Variants in STAB2 observed in about 807,000 individuals in gnomAD.
The protein encoded by STAB2 is stabilin 2, also known as stabilin-2.
STAB2 carries 288 observed loss-of-function variants against 338.1 expected under a neutral mutation model. That is an observed-to-expected ratio of 0.85 (90% CI 0.77 to 0.94). The LOEUF (loss-of-function observed/expected upper bound fraction) is 0.94, where lower values mean the gene tolerates loss of function less well. Ranked by LOEUF, STAB2 falls within the 40% of genes least tolerant of loss-of-function variation. The pLI is 0.00. For missense variants in STAB2, 3,141 were observed against 3,210.1 expected (o/e 0.98, Z 0.52); for synonymous variants, 1,202 against 1,193.3 (o/e 1.01, Z -0.15).
Position 103,673,907 on chromosome 12 carries a change from A to C in STAB2, c.2372A>C (p.Lys791Thr). Residue 791 changes from lysine (K) to threonine (T), a missense_variant and splice_region_variant, in exon 23 of 69, where the codon AAA (lysine) becomes ACA (threonine). Lys to Thr is a moderately conservative substitution (Grantham distance 78). Transcript: ENST00000388887. ...GATGTCCCTCCTCCTCCTCTTTCAG[A>C]ATGCCTGTGCGTTCACGGAACATGC... is the stretch of plus-strand genomic sequence containing the variant. ...PNKYGPRCNK[K>T]CLCVHGTCNN... 2 of 1,608,544 alleles carry C rather than the reference A, an allele frequency of 1.2e-6. No individual in the cohort carries two copies. The highest frequency in any genetic ancestry group is 1.7e-6 in the Non-Finnish European group (2 of 1,175,534).
chr12:103,613,205 C>A (rs999938394), intron 3 of STAB2, among the ~76,000 whole-genome samples: 4 of 152,348 alleles, frequency 2.6e-5, no homozygotes, highest in Non-Finnish European at 5.9e-5. Context: ...TCACTACTGT[C>A]TTCCAAGCTG....
In STAB2 at chr12:103,587,442, G is replaced by A; in HGVS notation, c.-35G>A. The A allele has an allele frequency of 6.4e-7, 1 of 1,566,644 alleles. No homozygotes were observed. The highest frequency in any genetic ancestry group is 8.8e-7 in the Non-Finnish European group (1 of 1,140,562). ...TTAAAATAGCTAAGTCAGCCTGACA[G>A]GTGCTTGGCACAGAGAAGGAGCAAA... On this transcript the variant is annotated 5_prime_UTR_variant, in exon 1 of 69. Transcript: ENST00000388887.
At chr12:103,704,423 C>A in intron 35 of STAB2, 135 bp from the exon 36 acceptor site, 1 of 744,988 alleles carries the variant, frequency 1.3e-6, no homozygotes, top group Non-Finnish European at 2.2e-6. Flanking sequence ...AAGTGTTTGT[C>A]TCAGAACATT....
At chr12:103,603,163 C>G (rs1040684606) in intron 3 of STAB2, among the ~76,000 whole-genome samples, 1 of 152,098 alleles carries the variant, frequency 6.6e-6, no homozygotes, top group Non-Finnish European at 1.5e-5. Flanking sequence ...CTCTGCCTCC[C>G]GGGTTCACAC....
chr12:103,637,043 T>G, intron 6 of STAB2, 68 bp from the exon 7 acceptor site: 1 of 1,475,782 alleles, frequency 6.8e-7, no homozygotes. Flanking sequence ...AAGGGAATAC[T>G]GCAGTTTGGG....
intron 3 of STAB2, among the ~76,000 whole-genome samples, chr12:103,607,958 C>A (rs562589360): frequency 4.7e-4 from 72 of 152,302 alleles, no homozygotes; most frequent in South Asian, 1.9e-3. Flanking sequence ...TGAGGAATCG[C>A]CACACTGACT....
In STAB2 at chr12:103,704,629, T is replaced by G. The variant is rs373892778; in HGVS notation, c.3900+15T>G. The G allele has an allele frequency of 1.2e-6, 2 of 1,612,520 alleles. No homozygotes were observed. Among genetic ancestry groups the G allele is most frequent in the African/African-American group, 2.7e-5 (2 of 74,894 alleles). On this transcript the variant is annotated intron_variant, in intron 36 of 68. Coordinates refer to ENST00000388887, the MANE Select transcript of STAB2 (RefSeq NM_017564.10). ...CTAAATCTCTAGTAAGTACTTTGTC[T>G]GTTTTGATAAAATAGTTTCCAGATC...
At position 103,753,240 on chromosome 12, in the gene STAB2, C is replaced by T. The variant is rs141605819; in HGVS notation, c.6601C>T (p.His2201Tyr). Residue 2201 changes from histidine to tyrosine, a missense_variant, in exon 61 of 69, where the codon CAT becomes TAT. Physicochemically the swap from His to Tyr is moderately conservative, Grantham distance 83. Coordinates refer to ENST00000388887, the MANE Select transcript of STAB2 (RefSeq NM_017564.10). ...HFQDTTVGVFHLRSPLGQYKL... is the reference protein window; with the variant it reads ...HFQDTTVGVFYLRSPLGQYKL... ...TCCAGATACCACTGTTGGGGTGTTCCATCTACGCTCCCCACTGGGCCAGTA... is the reference window on the plus strand; with the variant it reads ...TCCAGATACCACTGTTGGGGTGTTCTATCTACGCTCCCCACTGGGCCAGTA... 1.9e-6 allele frequency: 3 copies of T among 1,614,076 alleles called. No homozygotes were observed. Among genetic ancestry groups the T allele is most frequent in the Non-Finnish European group, 2.5e-6 (3 of 1,180,030 alleles).
chr12:103,740,586 C>T (rs767048980), intron 54 of STAB2, 44 bp from the exon 55 acceptor site: 1 of 1,598,228 alleles, frequency 6.3e-7, no homozygotes, highest in South Asian at 1.1e-5. Flanking sequence ...GAGCCCTAGT[C>T]CCTGCAGTGG....
chr12:103,673,985 GCT>G lies in STAB2; in HGVS notation c.2453_2454del (p.Ser818CysfsTer6). 1.9e-6 allele frequency: 3 copies of G among 1,614,102 alleles called. No homozygotes were observed. Among genetic ancestry groups the G allele is most frequent in the Non-Finnish European group, 2.5e-6 (3 of 1,180,024 alleles). On this transcript the variant is annotated frameshift_variant, in exon 23 of 69. Coordinates refer to ENST00000388887, the MANE Select transcript of STAB2 (RefSeq NM_017564.10). LOFTEE classifies it high-confidence loss of function. ...TGCCTCACTGGCACATGCAGAGACGGCTCTGCCGGGAGACTCTGTGATAAGCA... is the reference window on the plus strand; with the variant it reads ...TGCCTCACTGGCACATGCAGAGACGGCTGCCGGGAGACTCTGTGATAAGCA...
intron 44 of STAB2, among the ~76,000 whole-genome samples, chr12:103,719,183 G>A (rs926460187): frequency 3.3e-5 from 5 of 152,148 alleles, no homozygotes; most frequent in Non-Finnish European, 7.4e-5. Flanking sequence ...TGTCACATCC[G>A]GAGCAGTTTG....
chr12:103,606,315 T>C (rs1209323834), intron 3 of STAB2, among the ~76,000 whole-genome samples: 1 of 152,204 alleles, frequency 6.6e-6, no homozygotes, highest in East Asian at 1.9e-4. Flanking sequence ...ATTACTTCTA[T>C]ATATATTAGA....
intron 21 of STAB2, 141 bp from the exon 22 acceptor site, chr12:103,670,555 C>T: frequency 1.5e-6 from 1 of 674,412 alleles, no homozygotes; most frequent in Non-Finnish European, 2.6e-6. Flanking sequence ...CCTGATATCA[C>T]ATGACTCCAC....
intron 42 of STAB2, 117 bp downstream of exon 42, chr12:103,713,885 T>C: frequency 6.6e-7 from 1 of 1,503,930 alleles, no homozygotes. Context: ...GTATTCCATT[T>C]GCCAGGGCAG....
At chr12:103,618,288 T>A (rs548188677) in intron 3 of STAB2, among the ~76,000 whole-genome samples, 2 of 152,278 alleles carry the variant, frequency 1.3e-5, no homozygotes, top group Admixed American at 1.3e-4. Flanking sequence ...GAGAGCTCCC[T>A]CACCCCTTCC....
intron 12 of STAB2, 50 bp downstream of exon 12, chr12:103,652,755 C>T (rs997722511): frequency 9.4e-6 from 14 of 1,494,402 alleles, no homozygotes; most frequent in Non-Finnish European, 1.2e-5. Context: ...TCCACCAAGC[C>T]AATGCCCATA....
chr12:103,727,969 T>C (rs1415726453), intron 47 of STAB2, among the ~76,000 whole-genome samples: 1 of 152,164 alleles, frequency 6.6e-6, no homozygotes, highest in Non-Finnish European at 1.5e-5. Context: ...CCTGGGCCCG[T>C]GTACTTAACC....
At chr12:103,637,793 A>G (rs903828049) in intron 7 of STAB2, among the ~76,000 whole-genome samples, 1 of 152,262 alleles carries the variant, frequency 6.6e-6, no homozygotes, top group Non-Finnish European at 1.5e-5. Context: ...TTTTATATTT[A>G]ACTACACACA....
chr12:103,761,256 C>T (rs367782958), intron 65 of STAB2, 44 bp from the exon 66 acceptor site: 23 of 1,574,104 alleles, frequency 1.5e-5, no homozygotes, highest in Non-Finnish European at 2.0e-5. Context: ...GAGGGCTGCC[C>T]ACTCGGAGAG....
Sources: gnomAD v4.1 joint callset for allele counts (sites outside exome capture counted in the v4.1 genomes callset) on GRCh38, gnomAD v4.1.1 for gene constraint, MANE v1.5 for transcripts, NCBI Gene and HGNC (gene_info 2026-07-23, HGNC 2026-07-21) for gene names.